The following GRM7 variants were observed in gnomAD, a reference collection of about 807,000 sequenced individuals.
GRM7 encodes glutamate metabotropic receptor 7.
Under a neutral mutation model 84.5 loss-of-function variants are expected in GRM7, and 35 were observed. That is an observed-to-expected ratio of 0.41 (90% CI 0.32 to 0.55). GRM7 has a LOEUF of 0.55. Ranked by LOEUF, GRM7 falls within the 20% of genes least tolerant of loss-of-function variation. The pLI, the probability that GRM7 is intolerant of heterozygous loss-of-function variation, is 0.19. For synonymous variants in GRM7, 487 were observed against 455.1 expected (o/e 1.07, Z -0.89); for missense variants, 1,003 against 1,194.6 (o/e 0.84, Z 2.36).
At chr3:7,358,494 C>A (rs1263080083) in intron 4 of GRM7, among the ~76,000 whole-genome samples, 1 of 148,382 alleles carries the variant, frequency 6.7e-6, no homozygotes, top group East Asian at 1.9e-4. Flanking sequence ...TTAAAAGTAT[C>A]CCATGGCCAA....
At chr3:7,599,601 C>A (rs147978497) in intron 8 of GRM7, among the ~76,000 whole-genome samples, 1 of 152,030 alleles carries the variant, frequency 6.6e-6, no homozygotes, top group African/African-American at 2.4e-5. Context: ...ACAAAGATGT[C>A]CACTCTATAG....
intron 2 of GRM7, among the ~76,000 whole-genome samples, chr3:7,253,616 TAAAAAAAAAA>T (rs138776034): frequency 8.3e-6 from 1 of 121,196 alleles, no homozygotes; most frequent in African/African-American, 3.1e-5. Context: ...AAACTCCATC[TAAAAAAAAAA>T]AAAAAAAAAA....
chr3:7,557,527 G>C (rs1173370760), intron 7 of GRM7, among the ~76,000 whole-genome samples: 1 of 152,084 alleles, frequency 6.6e-6, no homozygotes, highest in Non-Finnish European at 1.5e-5. Context: ...TCCATGTTTT[G>C]AGTGCTTTTA....
chr3:7,320,535 C>G (rs1700737677), intron 4 of GRM7, among the ~76,000 whole-genome samples: 2 of 151,892 alleles, frequency 1.3e-5, no homozygotes, highest in African/African-American at 4.8e-5. Flanking sequence ...AGAGAGGATC[C>G]TTCTTGAGTG....
chr3:7,208,976 T>C (rs1012441370), intron 2 of GRM7, among the ~76,000 whole-genome samples: 5 of 152,208 alleles, frequency 3.3e-5, no homozygotes, highest in Non-Finnish European at 2.9e-5. Context: ...TATGTCCTGA[T>C]AAAACCATCA....
At chr3:7,437,698 C>A (rs555364994) in intron 5 of GRM7, among the ~76,000 whole-genome samples, 1 of 151,982 alleles carries the variant, frequency 6.6e-6, no homozygotes, top group East Asian at 1.9e-4. Flanking sequence ...CTTCTTCTTT[C>A]CTTTTCTTTC....
At chr3:7,537,535 G>C (rs1701286022) in intron 7 of GRM7, among the ~76,000 whole-genome samples, 1 of 152,118 alleles carries the variant, frequency 6.6e-6, no homozygotes, top group Non-Finnish European at 1.5e-5. Flanking sequence ...CAAATGACTA[G>C]GCTTAACTAC....
intron 9 of GRM7, among the ~76,000 whole-genome samples, chr3:7,683,914 G>C (rs1700477440): frequency 7.2e-6 from 1 of 138,564 alleles, no homozygotes; most frequent in Non-Finnish European, 1.5e-5. Flanking sequence ...TTTTAGCATT[G>C]ATACTGATCT....
chr3:7,114,356 T>C (rs1692960048), intron 1 of GRM7, among the ~76,000 whole-genome samples: 1 of 152,150 alleles, frequency 6.6e-6, no homozygotes, highest in Admixed American at 6.6e-5. Flanking sequence ...TTAAAAATAA[T>C]AATCATTATA....
At chr3:7,715,641 A>C (rs1478108330) in intron 9 of GRM7, among the ~76,000 whole-genome samples, 1 of 152,184 alleles carries the variant, frequency 6.6e-6, no homozygotes, top group Non-Finnish European at 1.5e-5. Flanking sequence ...TAAAGAGCTA[A>C]ACAAACTCTT....
chr3:7,508,254 A>C lies in GRM7; in HGVS notation c.1515+46532A>C, dbSNP rs572054157. ...CATTAGAGGTGAAAATCAGATTTAT[A>C]ATTAGCCATGTGAGAAAAAATAGAA... On this transcript the variant is annotated intron_variant, in intron 7 of 9. Transcript: ENST00000357716. 5.9e-5 allele frequency among the ~76,000 whole-genome samples: 9 copies of C among 152,288 alleles called. No homozygotes were observed. The South Asian group carries it at 1.7e-3, about 28-fold the overall frequency.
chr3:7,189,249 A>C (rs1309668604), intron 2 of GRM7, among the ~76,000 whole-genome samples: 1 of 152,156 alleles, frequency 6.6e-6, no homozygotes, highest in Non-Finnish European at 1.5e-5. Flanking sequence ...ATATACACAT[A>C]TATCACGCAC....
intron 7 of GRM7, among the ~76,000 whole-genome samples, chr3:7,472,015 C>A (rs1698721901): frequency 6.6e-6 from 1 of 152,166 alleles, no homozygotes; most frequent in Non-Finnish European, 1.5e-5. Flanking sequence ...TGAATGGATT[C>A]ATGCCCTACC....
chr3:7,109,799 G>A (rs901965009), intron 1 of GRM7, among the ~76,000 whole-genome samples: 1 of 152,054 alleles, frequency 6.6e-6, no homozygotes, highest in Non-Finnish European at 1.5e-5. Flanking sequence ...TTAGAGAACA[G>A]CAATACCATT....
intron 1 of GRM7, among the ~76,000 whole-genome samples, chr3:7,023,909 A>G (rs1171057758): frequency 6.6e-6 from 1 of 152,182 alleles, no homozygotes; most frequent in African/African-American, 2.4e-5. Context: ...CATGGATTCT[A>G]TCGCTCTTCA....
intron 1 of GRM7, among the ~76,000 whole-genome samples, chr3:6,880,754 CGTCTCGTATTT>C (rs1695478746): frequency 6.6e-6 from 1 of 152,104 alleles, no homozygotes; most frequent in African/African-American, 2.4e-5. Context: ...TATTCCTTCT[CGTCTCGTATTT>C]GGACTCATCT....
chr3:7,330,895 A>G (rs1701182312), intron 4 of GRM7, among the ~76,000 whole-genome samples: 1 of 151,912 alleles, frequency 6.6e-6, no homozygotes, highest in African/African-American at 2.4e-5. Flanking sequence ...CTTTCTCTTT[A>G]TTTTCATAGG....
At position 7,012,888 on chromosome 3, in the gene GRM7, G is replaced by A. The variant is rs549118263; in HGVS notation, c.520-133564G>A. Among the ~76,000 whole-genome samples, 3 of 152,250 alleles carry A rather than the reference G, an allele frequency of 2.0e-5. No individual in the cohort carries two copies. The South Asian group carries it at 6.2e-4, about 32-fold the overall frequency. On this transcript the variant is annotated intron_variant, in intron 1 of 9. Transcript: ENST00000357716. ...CTTGAGTAACTAGGACTACAGGTGT[G>A]CATCATCATATCCAGCTAATTTGTT...
intron 4 of GRM7, among the ~76,000 whole-genome samples, chr3:7,316,529 T>G (rs1412472238): frequency 1.3e-5 from 2 of 152,212 alleles, no homozygotes; most frequent in Admixed American, 6.5e-5. Context: ...TTAAAATATA[T>G]TTTGAAGCTA....
Sources: allele counts gnomAD v4.1 joint callset (sites outside exome capture counted in the v4.1 genomes callset), GRCh38; gene constraint gnomAD v4.1.1; transcripts MANE v1.5; gene names NCBI Gene and HGNC (gene_info 2026-07-23, HGNC 2026-07-21).